The following GALNS variants were observed in gnomAD, a reference collection of about 807,000 sequenced individuals.
GALNS encodes N-acetylgalactosamine-6-sulfatase.
GALNS carries 65 observed loss-of-function variants against 65.9 expected under a neutral mutation model. The observed-to-expected ratio is 0.99, with a 90% CI of 0.81 to 1.21. The LOEUF (loss-of-function observed/expected upper bound fraction) is 1.21, where lower values mean the gene tolerates loss of function less well. Among genes scored for constraint, GALNS ranks in the 50% most tolerant of loss-of-function variants. GALNS has a pLI of 0.00. For missense variants in GALNS, 776 were observed against 700.7 expected (o/e 1.11, Z -1.21); for synonymous variants, 346 against 288.9 (o/e 1.20, Z -2.00).
chr16:88,832,881 T>C (rs1911653850), intron 8 of GALNS, among the ~76,000 whole-genome samples: 1 of 151,936 alleles, frequency 6.6e-6, no homozygotes, highest in African/African-American at 2.4e-5. Flanking sequence ...GACTGGTTTC[T>C]ACCAAAGAGA....
At chr16:88,855,468 T>C (rs1183108967) in intron 1 of GALNS, 4 of 702,848 alleles carry the variant, frequency 5.7e-6, no homozygotes, top group South Asian at 4.4e-5. Flanking sequence ...GCCCGGCTAC[T>C]GCTGTCAGGA....
Position 88,837,778 on chromosome 16 carries a change from A to G in GALNS, c.423-13T>C. On this transcript the variant is annotated splice_polypyrimidine_tract_variant and intron_variant, in intron 4 of 13. Transcript: ENST00000268695. ...GTGACCCAGATGCCTGGAAACAGGA[A>G]CCCAGGACACTTCAGGGACCCCACG... is the stretch of plus-strand genomic sequence containing the variant. The G allele has an allele frequency of 6.2e-7, 1 of 1,613,628 alleles. No individual in the cohort carries two copies. Among genetic ancestry groups the G allele is most frequent in the Non-Finnish European group, 8.5e-7 (1 of 1,179,842 alleles).
intron 1 of GALNS, chr16:88,855,637 T>C: frequency 4.9e-6 from 3 of 609,686 alleles, no homozygotes; most frequent in Admixed American, 3.0e-5. Context: ...TATATCTTTA[T>C]GTTAAAAAAC....
chr16:88,825,620 C>T (rs935480306), intron 10 of GALNS, among the ~76,000 whole-genome samples: 5 of 149,716 alleles, frequency 3.3e-5, no homozygotes, highest in African/African-American at 7.4e-5. Flanking sequence ...CCTGGGCGGC[C>T]GGGGCTAGGG....
intron 13 of GALNS, chr16:88,816,204 G>C (rs1909607004): frequency 2.0e-6 from 2 of 985,364 alleles, no homozygotes; most frequent in African/African-American, 3.5e-5. Context: ...GTGGCAGCCA[G>C]GCTGTGTGCG....
At chr16:88,815,668 C>T in intron 13 of GALNS, 3 of 985,468 alleles carry the variant, frequency 3.0e-6, no homozygotes, top group Non-Finnish European at 3.6e-6. Context: ...AGGGCACTTT[C>T]CGGGGACAGA....
At chr16:88,836,850 G>A (rs910607457) in intron 5 of GALNS, among the ~76,000 whole-genome samples, 2 of 152,056 alleles carry the variant, frequency 1.3e-5, no homozygotes, top group Non-Finnish European at 2.9e-5. Context: ...GCAGTGAGGC[G>A]GCTGTGGTCA....
rs12599475 is a variant in GALNS, at chr16:88,849,932, G to A, written c.120+6826C>T. On this transcript the variant is annotated intron_variant, in intron 1 of 13. Transcript: ENST00000268695. ...GCACCTAGTCACAGTGGGCGAATGCGCCCATGTCAGGGTGAGGTGCATCCC... is the reference window on the plus strand; with the variant it reads ...GCACCTAGTCACAGTGGGCGAATGCACCCATGTCAGGGTGAGGTGCATCCC... Among the ~76,000 whole-genome samples, 53 of 152,334 alleles carry A rather than the reference G, an allele frequency of 3.5e-4. No homozygotes were observed. In the East Asian group the frequency reaches 9.3e-3, roughly 27 times the overall value.
chr16:88,832,992 T>G (rs112457482), intron 8 of GALNS, among the ~76,000 whole-genome samples: 7,759 of 147,312 alleles, frequency 0.053, 262 homozygotes, highest in Middle Eastern at 0.18. Flanking sequence ...GTGGGAGGAT[T>G]GCTGGAGCCC....
At chr16:88,856,723 C>A (rs752837728) in intron 1 of GALNS, 35 bp downstream of exon 1, 2 of 1,149,962 alleles carry the variant, frequency 1.7e-6, no homozygotes, top group South Asian at 1.5e-5. Flanking sequence ...CCCCGCCCCA[C>A]CCCGGCCCTG....
chr16:88,852,436 G>C (rs767399488), intron 1 of GALNS, among the ~76,000 whole-genome samples: 18 of 152,212 alleles, frequency 1.2e-4, no homozygotes, highest in Admixed American at 2.6e-4. Context: ...AGAAACCAGA[G>C]CAGAAAAGCT....
In GALNS at chr16:88,817,883, A is replaced by G; in HGVS notation, c.1482+124T>C. 3.5e-6 allele frequency: 3 copies of G among 859,590 alleles called. No individual in the cohort carries two copies. In the Middle Eastern group the frequency reaches 9.3e-4, roughly 267 times the overall value. 53.2% of individuals were successfully genotyped at this position (859,590 alleles called of 1,614,324 possible). ...GTGTGCTCTGAGGCACGAGGGCCTCACCACTGACGGAGGCGGGGAAGCACG... is the reference window on the plus strand; with the variant it reads ...GTGTGCTCTGAGGCACGAGGGCCTCGCCACTGACGGAGGCGGGGAAGCACG... On this transcript the variant is annotated intron_variant, in intron 13 of 13. Transcript: ENST00000268695.
At chr16:88,837,496 G>A (rs1912259163) in intron 5 of GALNS, 126 bp downstream of exon 5, 9 of 980,196 alleles carry the variant, frequency 9.2e-6, no homozygotes, top group Admixed American at 5.9e-5. Context: ...CTCGGTGCCC[G>A]GGGACCCAGG....
At chr16:88,856,227 A>G (rs3784877) in intron 1 of GALNS, 18,864 of 702,964 alleles carry the variant, frequency 0.027, 327 homozygotes, top group African/African-American at 0.062. Flanking sequence ...CATTCTCCAG[A>G]GGACAGAGAC....
intron 1 of GALNS, among the ~76,000 whole-genome samples, chr16:88,854,676 G>C (rs1247904330): frequency 1.3e-5 from 2 of 152,232 alleles, no homozygotes; most frequent in East Asian, 3.8e-4. Context: ...GGGTGACTTG[G>C]AGTCACCTAG....
rs536153651 is a variant in GALNS at position 88,845,899 on chromosome 16, G to A, written c.121-3070C>T. ...ACTACTCAGGAGGCTGAGGTAGGAG[G>A]ATCACTTGAGGCCAGGAGGTTGAGG... is the stretch of plus-strand genomic sequence containing the variant. On this transcript the variant is annotated intron_variant, in intron 1 of 13. Transcript: ENST00000268695. Among the ~76,000 whole-genome samples, 4 of 151,352 alleles carry A rather than the reference G, an allele frequency of 2.6e-5. No homozygotes were observed. In the East Asian group the frequency reaches 7.8e-4, roughly 29 times the overall value.
intron 9 of GALNS, among the ~76,000 whole-genome samples, chr16:88,829,398 C>T (rs903504170): frequency 1.3e-5 from 2 of 152,230 alleles, no homozygotes; most frequent in African/African-American, 4.8e-5. Flanking sequence ...CACAACAAGG[C>T]GGTCACTCTC....
At chr16:88,818,713 C>T (rs531739899) in intron 12 of GALNS, among the ~76,000 whole-genome samples, 13 of 152,362 alleles carry the variant, frequency 8.5e-5, no homozygotes, top group Admixed American at 3.9e-4. Context: ...GGGTCCACGG[C>T]GCCGTCATGC....
intron 12 of GALNS, among the ~76,000 whole-genome samples, chr16:88,819,428 G>A (rs1909974504): frequency 6.6e-6 from 1 of 152,240 alleles, no homozygotes; most frequent in Admixed American, 6.5e-5. Context: ...GTTTCTGCAG[G>A]ATTCTGTGGC....
Sources: gnomAD v4.1 joint callset for allele counts (sites outside exome capture counted in the v4.1 genomes callset) on GRCh38, gnomAD v4.1.1 for gene constraint, MANE v1.5 for transcripts, NCBI Gene and HGNC (gene_info 2026-07-23, HGNC 2026-07-21) for gene names.